Variants in AGAP1 observed in about 807,000 individuals in gnomAD.
AGAP1 encodes the protein ArfGAP with GTPase domain, ankyrin repeat and PH domain 1.
In AGAP1, 29 loss-of-function variants were observed where a neutral mutation model predicts 105.3. That is an observed-to-expected ratio of 0.28 (90% CI 0.21 to 0.38). AGAP1 has a LOEUF of 0.38. Ranked by LOEUF, AGAP1 falls within the 10% of genes least tolerant of loss-of-function variation. AGAP1 has a pLI of 1.00. For missense variants in AGAP1, 998 were observed against 1,165.1 expected, an observed-to-expected ratio of 0.86 and a Z score of 2.09; for synonymous variants, 509 against 485.9, an observed-to-expected ratio of 1.05 and a Z score of -0.63.
chr2:235,632,859 T>A (rs753225890), intron 1 of AGAP1, among the ~76,000 whole-genome samples: 1 of 152,184 alleles, frequency 6.6e-6, no homozygotes, highest in Non-Finnish European at 1.5e-5. Context: ...GCTCTGCCGC[T>A]TTGATTTCCC....
intron 11 of AGAP1, among the ~76,000 whole-genome samples, chr2:235,916,066 C>T (rs945782575): frequency 6.6e-6 from 1 of 151,900 alleles, no homozygotes; most frequent in Admixed American, 6.6e-5. Flanking sequence ...GACTACTAAT[C>T]AAATGAAGAT....
At chr2:236,016,946 T>A (rs957388092) in intron 13 of AGAP1, among the ~76,000 whole-genome samples, 1 of 152,132 alleles carries the variant, frequency 6.6e-6, no homozygotes, top group Non-Finnish European at 1.5e-5. Context: ...ATTTTAAGAT[T>A]AACATGTGTA....
chr2:235,575,739 T>A (rs567507370), intron 1 of AGAP1, among the ~76,000 whole-genome samples: 2 of 152,332 alleles, frequency 1.3e-5, no homozygotes, highest in South Asian at 4.1e-4. Context: ...ACTTTTTTAT[T>A]GCAAAGGTTC....
At chr2:235,508,805 T>C (rs1941945786) in intron 1 of AGAP1, among the ~76,000 whole-genome samples, 1 of 152,202 alleles carries the variant, frequency 6.6e-6, no homozygotes, top group Non-Finnish European at 1.5e-5. Flanking sequence ...TACATGTAAA[T>C]AGAAGTTACT....
At chr2:235,506,152 A>G (rs1452519025) in intron 1 of AGAP1, among the ~76,000 whole-genome samples, 1 of 152,092 alleles carries the variant, frequency 6.6e-6, no homozygotes, top group Non-Finnish European at 1.5e-5. Flanking sequence ...GCCGGTCTCA[A>G]ACTCCTGACC....
Position 235,769,987 on chromosome 2 carries a change from C to T in AGAP1, c.673+19499C>T, listed in dbSNP as rs1955292754. 6.6e-6 allele frequency among the ~76,000 whole-genome samples: 1 copy of T among 152,228 alleles called. No homozygotes were observed. The highest frequency in any genetic ancestry group is 1.5e-5 in the Non-Finnish European group (1 of 68,038). On this transcript the variant is annotated intron_variant, in intron 6 of 17. Coordinates refer to ENST00000304032, the MANE Select transcript of AGAP1 (RefSeq NM_001037131.3). This position sits in a 1 kb window ranked among gnomAD's most constrained non-coding sequence, Gnocchi z 4.4. ...AAGTGTATCTCATATCTTCTGAATA[C>T]ACACATTTAAACATGTTTTTGTGAT... is the stretch of plus-strand genomic sequence containing the variant.
rs2052890677 is a variant in AGAP1 at position 235,934,467 on chromosome 2, C to G, written c.1483+3544C>G. 1.3e-5 allele frequency among the ~76,000 whole-genome samples: 2 copies of G among 152,172 alleles called. No homozygotes were observed. Among genetic ancestry groups the G allele is most frequent in the Non-Finnish European group, 2.9e-5 (2 of 68,030 alleles). ...TTTAGTGTGCTGCTTCGTCAAGTGG[C>G]CAGACCCCAGCAATGTTTAGTGAAC... On this transcript the variant is annotated intron_variant, in intron 12 of 17. Coordinates refer to ENST00000304032, the MANE Select transcript of AGAP1 (RefSeq NM_001037131.3). This position sits in a 1 kb window ranked among gnomAD's most constrained non-coding sequence, Gnocchi z 4.9.
chr2:235,823,196 TATG>T lies in AGAP1; in HGVS notation c.1050+15868_1050+15870del, dbSNP rs947147449. On this transcript the variant is annotated intron_variant, in intron 9 of 17. Transcript: ENST00000304032. ...TTTATGTAACATATTAACATGTTAT[TATG>T]ATATGTAACATATCATTATGTATTA... 1.2e-3 allele frequency among the ~76,000 whole-genome samples: 179 copies of T among 151,956 alleles called. 1 individual carries two copies. The highest frequency in any genetic ancestry group is 4.1e-3 in the African/African-American group (167 of 41,204).
Position 235,555,069 on chromosome 2 carries a change from G to A in AGAP1, c.163+60220G>A, listed in dbSNP as rs892022614. 2.0e-4 allele frequency among the ~76,000 whole-genome samples: 30 copies of A among 152,278 alleles called. No homozygotes were observed. Among genetic ancestry groups the A allele is most frequent in the African/African-American group, 1.9e-4 (8 of 41,562 alleles). On this transcript the variant is annotated intron_variant, in intron 1 of 17. Transcript: ENST00000304032. This position sits in a 1 kb window ranked among gnomAD's most constrained non-coding sequence, Gnocchi z 5.1. ...GTGGAGCAGTTGCCTTCTCAGCATC[G>A]TGGGGTGGGGCTGGGATGAGGAGAG... is the stretch of plus-strand genomic sequence containing the variant.
intron 16 of AGAP1, among the ~76,000 whole-genome samples, chr2:236,108,458 C>T (rs1242435637): frequency 6.6e-6 from 1 of 152,218 alleles, no homozygotes; most frequent in Non-Finnish European, 1.5e-5. Flanking sequence ...GGGTGTTCCT[C>T]CACGCCAGCC....
Position 236,001,939 on chromosome 2 carries a change from T to C in AGAP1, c.1645+33316T>C, listed in dbSNP as rs189963853. Among the ~76,000 whole-genome samples, 20 of 152,318 alleles carry C rather than the reference T, an allele frequency of 1.3e-4. No homozygotes were observed. Among genetic ancestry groups the C allele is most frequent in the Admixed American group, 1.2e-3 (19 of 15,302 alleles). ...TCATTGCACATACATTCTGAAGCGC[T>C]CACGCTTTGTTCCTGTGGACATCTC... On this transcript the variant is annotated intron_variant, in intron 13 of 17. Coordinates refer to ENST00000304032, the MANE Select transcript of AGAP1 (RefSeq NM_001037131.3). The surrounding 1 kb of genome is among the most constrained non-coding windows in gnomAD (Gnocchi z 4.7).
chr2:236,026,266 G>A (rs1217385729), intron 13 of AGAP1, among the ~76,000 whole-genome samples: 2 of 152,192 alleles, frequency 1.3e-5, no homozygotes, highest in Non-Finnish European at 2.9e-5. Flanking sequence ...GACATCACGT[G>A]CTCCAGTTGG....
At chr2:236,013,676 G>C (rs572769386) in intron 13 of AGAP1, among the ~76,000 whole-genome samples, 1 of 152,298 alleles carries the variant, frequency 6.6e-6, no homozygotes, top group East Asian at 1.9e-4. Flanking sequence ...CTTCCTGCCT[G>C]TGGCAGTTGA....
At chr2:235,765,296 G>C (rs112813145) in intron 6 of AGAP1, among the ~76,000 whole-genome samples, 1 of 150,824 alleles carries the variant, frequency 6.6e-6, no homozygotes, top group Non-Finnish European at 1.5e-5. Context: ...GGGAGCGTCT[G>C]TGGGGTGGGC....
intron 1 of AGAP1, among the ~76,000 whole-genome samples, chr2:235,539,894 C>A (rs1414799357): frequency 6.6e-6 from 1 of 152,130 alleles, no homozygotes; most frequent in East Asian, 1.9e-4. Context: ...GGAAAACAAG[C>A]CCTTTTAGTC....
In AGAP1 at chr2:235,754,408, T is replaced by A. The variant is rs1953728195; in HGVS notation, c.673+3920T>A. ...AAAGGAAAAGCGTGTAATTTCTACA[T>A]AATGTTTGGCTTGTAAATAAAAAAA... On this transcript the variant is annotated intron_variant, in intron 6 of 17. Transcript: ENST00000304032. This position sits in a 1 kb window ranked among gnomAD's most constrained non-coding sequence, Gnocchi z 4.6. Among the ~76,000 whole-genome samples, 1 of 150,306 alleles carries A rather than the reference T, an allele frequency of 6.7e-6. No individual in the cohort carries two copies. Among genetic ancestry groups the A allele is most frequent in the Non-Finnish European group, 1.5e-5 (1 of 67,730 alleles).
At chr2:235,885,769 C>T (rs1472406318) in intron 10 of AGAP1, among the ~76,000 whole-genome samples, 1 of 152,204 alleles carries the variant, frequency 6.6e-6, no homozygotes, top group Non-Finnish European at 1.5e-5. Context: ...GGTCTTCCGT[C>T]GGCATCTCTC....
At chr2:235,626,534 C>T (rs865834943) in intron 1 of AGAP1, among the ~76,000 whole-genome samples, 4 of 149,180 alleles carry the variant, frequency 2.7e-5, no homozygotes, top group Non-Finnish European at 4.5e-5. Flanking sequence ...GAAAGGCATA[C>T]GCCAGAATGT....
intron 6 of AGAP1, among the ~76,000 whole-genome samples, chr2:235,797,443 C>T (rs1362509431): frequency 6.6e-6 from 1 of 151,784 alleles, no homozygotes; most frequent in East Asian, 1.9e-4. Context: ...GTAGGAAAAA[C>T]ATACGAGAAT....
Sources: gnomAD v4.1 joint callset for allele counts (sites outside exome capture counted in the v4.1 genomes callset) on GRCh38, gnomAD v4.1.1 for gene constraint, Gnocchi (gnomAD v3.1) non-coding constraint, MANE v1.5 for transcripts, NCBI Gene and HGNC (gene_info 2026-07-23, HGNC 2026-07-21) for gene names.